The following SHANK2 variants were observed in gnomAD, a reference collection of about 807,000 sequenced individuals.
SHANK2 encodes the protein SH3 and multiple ankyrin repeat domains protein 2.
Under a neutral mutation model 133.7 loss-of-function variants are expected in SHANK2, and 43 were observed. That is an observed-to-expected ratio of 0.32 (90% confidence interval 0.25 to 0.41). The LOEUF is 0.41. Among genes scored for constraint, SHANK2 ranks in the 10% least tolerant of loss-of-function variants. The pLI is 1.00. For missense variants in SHANK2, 1,994 were observed against 2,235.8 expected (o/e 0.89, Z 2.18); for synonymous variants, 1,017 against 952.8 (o/e 1.07, Z -1.24).
chr11:70,750,281 G>T (rs1018292182), intron 14 of SHANK2, among the ~76,000 whole-genome samples: 2 of 152,194 alleles, frequency 1.3e-5, no homozygotes, highest in Non-Finnish European at 2.9e-5. Flanking sequence ...GGAGCCCCAA[G>T]GTTCAGAGTG....
intron 9 of SHANK2, among the ~76,000 whole-genome samples, chr11:71,068,815 A>G (rs1565434102): frequency 6.6e-6 from 1 of 152,162 alleles, no homozygotes; most frequent in Non-Finnish European, 1.5e-5. Flanking sequence ...CACCATGACC[A>G]TGCTCACCAC....
intron 2 of SHANK2, among the ~76,000 whole-genome samples, chr11:71,198,495 C>T (rs1362952885): frequency 2.0e-5 from 3 of 152,170 alleles, no homozygotes; most frequent in African/African-American, 7.2e-5. Context: ...AGAAACAGCC[C>T]CACAGGAAAC....
intron 10 of SHANK2, among the ~76,000 whole-genome samples, chr11:70,938,258 C>G (rs990887993): frequency 2.0e-5 from 3 of 152,014 alleles, no homozygotes; most frequent in Admixed American, 6.6e-5. Flanking sequence ...AGGGGGGTGT[C>G]CTGGGCACAA....
At position 70,739,919 on chromosome 11, in the gene SHANK2, G is replaced by A. The variant is rs1946484388; in HGVS notation, c.1778-41156C>T. Among the ~76,000 whole-genome samples, 1 of 152,218 alleles carries A rather than the reference G, an allele frequency of 6.6e-6. No individual in the cohort carries two copies. Among genetic ancestry groups the A allele is most frequent in the African/African-American group, 2.4e-5 (1 of 41,458 alleles). ...CAGAGGATGATGATCCCGAATCCTG[G>A]CATTCGGTGGCACGCAGGTAGGGCA... On this transcript the variant is annotated intron_variant, in intron 14 of 25. Transcript: ENST00000601538. This position sits in a 1 kb window ranked among gnomAD's most constrained non-coding sequence, Gnocchi z 4.3.
chr11:70,567,478 T>C (rs1323614633), intron 17 of SHANK2, among the ~76,000 whole-genome samples: 2 of 151,818 alleles, frequency 1.3e-5, no homozygotes. Flanking sequence ...AATACAAAAA[T>C]TAGCCGGGTG....
At chr11:70,898,090 G>A (rs1033036810) in intron 10 of SHANK2, among the ~76,000 whole-genome samples, 1 of 151,274 alleles carries the variant, frequency 6.6e-6, no homozygotes, top group African/African-American at 2.4e-5. Context: ...AGCCTCCTGA[G>A]TATCTGGAAT....
At chr11:70,706,488 G>A (rs1437027798) in intron 14 of SHANK2, among the ~76,000 whole-genome samples, 2 of 152,136 alleles carry the variant, frequency 1.3e-5, no homozygotes, top group Non-Finnish European at 2.9e-5. Context: ...AGCCCTGGCT[G>A]GGGCAGTGGC....
At chr11:70,524,582 C>G (rs1378830204) in intron 17 of SHANK2, among the ~76,000 whole-genome samples, 1 of 152,240 alleles carries the variant, frequency 6.6e-6, no homozygotes, top group Non-Finnish European at 1.5e-5. Context: ...CAGGCTACCC[C>G]GAGCCTCCTG....
rs782680578 is a variant in SHANK2 at position 70,807,408 on chromosome 11, C to T, written c.1494-237G>A. Among the ~76,000 whole-genome samples, 1 of 152,186 alleles carries T rather than the reference C, an allele frequency of 6.6e-6. No homozygotes were observed. Among genetic ancestry groups the T allele is most frequent in the Non-Finnish European group, 1.5e-5 (1 of 68,042 alleles). ...CCCGCACAGACAGAAAGCTGCCACT[C>T]GGGGAGACGTCTGCACACCTGCGTT... On this transcript the variant is annotated intron_variant, in intron 12 of 25. Coordinates refer to ENST00000601538, the MANE Select transcript of SHANK2 (RefSeq NM_012309.5). The surrounding 1 kb of genome is among the most constrained non-coding windows in gnomAD (Gnocchi z 4.8).
At chr11:70,891,520 C>CA (rs138744444) in intron 11 of SHANK2, among the ~76,000 whole-genome samples, 1,962 of 152,044 alleles carry the variant, frequency 0.013, 44 homozygotes, top group African/African-American at 0.044. Context: ...AAAACAAAAA[C>CA]AAAAAAACAC....
chr11:70,863,314 G>A (rs1555068195), intron 11 of SHANK2: 1 of 458,196 alleles, frequency 2.2e-6, no homozygotes, highest in Admixed American at 2.3e-5. Flanking sequence ...CTGAGCTGAT[G>A]GCACAACTGC....
chr11:71,179,932 A>C (rs2135541366), intron 2 of SHANK2, among the ~76,000 whole-genome samples: 1 of 152,352 alleles, frequency 6.6e-6, no homozygotes, highest in African/African-American at 2.4e-5. Flanking sequence ...GAAACTACAG[A>C]TGACTCGATA....
chr11:70,532,654 C>G (rs1197489592), intron 17 of SHANK2, among the ~76,000 whole-genome samples: 7 of 151,302 alleles, frequency 4.6e-5, no homozygotes, highest in African/African-American at 1.7e-4. Context: ...AAAAAAAAAG[C>G]ATTTAGTGGG....
chr11:71,179,254 T>C (rs1393504873), intron 2 of SHANK2, among the ~76,000 whole-genome samples: 2 of 152,214 alleles, frequency 1.3e-5, no homozygotes, highest in African/African-American at 4.8e-5. Context: ...GATCAGGAAC[T>C]GATCAAATTT....
At chr11:71,140,664 C>T (rs188089808) in intron 3 of SHANK2, among the ~76,000 whole-genome samples, 50 of 152,364 alleles carry the variant, frequency 3.3e-4, no homozygotes, top group African/African-American at 1.2e-3. Context: ...CTTGTGGCTG[C>T]TCCCCGGGCT....
intron 17 of SHANK2, among the ~76,000 whole-genome samples, chr11:70,544,580 C>T (rs148820075): frequency 5.3e-5 from 8 of 152,322 alleles, no homozygotes; most frequent in South Asian, 2.1e-4. Flanking sequence ...GGGGCCACCC[C>T]GCCCTCAGGT....
intron 17 of SHANK2, among the ~76,000 whole-genome samples, chr11:70,608,118 C>T (rs907240495): frequency 2.6e-5 from 4 of 152,212 alleles, no homozygotes; most frequent in Non-Finnish European, 2.9e-5. Flanking sequence ...TGTGGGAAAT[C>T]GGAATCTGAC....
chr11:70,774,604 C>T (rs535272926), intron 14 of SHANK2, among the ~76,000 whole-genome samples: 7 of 152,106 alleles, frequency 4.6e-5, no homozygotes, highest in South Asian at 4.2e-4. Flanking sequence ...AGTGAGCCAC[C>T]GTGCCTGGTT....
intron 4 of SHANK2, among the ~76,000 whole-genome samples, chr11:71,117,648 T>G (rs1411598739): frequency 3.3e-5 from 5 of 152,088 alleles, no homozygotes; most frequent in Non-Finnish European, 5.9e-5. Context: ...TAAAAATACC[T>G]CAACAATGGG....
Sources: gnomAD v4.1 joint callset for allele counts (sites outside exome capture counted in the v4.1 genomes callset) on GRCh38, gnomAD v4.1.1 for gene constraint, Gnocchi (gnomAD v3.1) non-coding constraint, MANE v1.5 for transcripts, NCBI Gene and HGNC (gene_info 2026-07-23, HGNC 2026-07-21) for gene names.